PNPT1: variants seen among roughly 807,000 people sequenced by gnomAD.
The protein encoded by PNPT1 is polyribonucleotide nucleotidyltransferase 1, also known as polyribonucleotide nucleotidyltransferase 1, mitochondrial.
In PNPT1, 53 loss-of-function variants were observed where a neutral mutation model predicts 119.5. The ratio of observed to expected loss-of-function variants is 0.44; its 90% CI spans 0.36 to 0.56. PNPT1 has a LOEUF of 0.56. Among genes scored for constraint, PNPT1 ranks in the 20% least tolerant of loss-of-function variants. The pLI, the probability that PNPT1 is intolerant of heterozygous loss-of-function variation, is 0.00. For missense variants in PNPT1, 948 were observed against 938.5 expected, an observed-to-expected ratio of 1.01 and a Z score of -0.13; for synonymous variants, 357 against 322.1, an observed-to-expected ratio of 1.11 and a Z score of -1.16.
At position 55,659,940 on chromosome 2, in the gene PNPT1, A is replaced by G. The variant is rs115106726; in HGVS notation, c.1284+217T>C. Among the ~76,000 whole-genome samples the G allele has an allele frequency of 8.4e-3, 1,283 of 152,144 alleles. 13 individuals are homozygous for G. The highest frequency in any genetic ancestry group is 0.013 in the Non-Finnish European group (878 of 67,998). On this transcript the variant is annotated intron_variant, in intron 15 of 27. Transcript: ENST00000447944. Reference sequence around the variant, plus strand: ...CAACATGGCAAAACCCCATCTCTAGAAAAAAATAGAAAAATTAGCCAATTG... The same window carrying G: ...CAACATGGCAAAACCCCATCTCTAGGAAAAAATAGAAAAATTAGCCAATTG...
intron 1 of PNPT1, among the ~76,000 whole-genome samples, chr2:55,691,866 ATATATATATATATTTTTT>A (rs1185037123): frequency 5.2e-5 from 4 of 77,294 alleles, no homozygotes; most frequent in Admixed American, 1.3e-4. Flanking sequence ...ATATATATAT[ATATATATATATATTTTTT>A]TTTTTTTTTT....
At chr2:55,683,112 T>C (rs1697298320) in intron 5 of PNPT1, among the ~76,000 whole-genome samples, 1 of 152,160 alleles carries the variant, frequency 6.6e-6, no homozygotes, top group African/African-American at 2.4e-5. Flanking sequence ...TAAAATTAGG[T>C]AATAAAAATT....
In PNPT1 at chr2:55,646,276, G is replaced by A; in HGVS notation, c.1721C>T (p.Ala574Val). 6.2e-7 allele frequency: 1 copy of A among 1,613,126 alleles called. No homozygotes were observed. The highest frequency in any genetic ancestry group is 1.1e-5 in the South Asian group (1 of 90,964). The change falls in exon 21 of 28, where the codon GCT (alanine) becomes GTT (valine). Residue 574 changes from alanine to valine, a missense_variant. By Grantham distance (64) the Ala-to-Val change is moderately conservative (BLOSUM62 0). Coordinates refer to ENST00000447944, the MANE Select transcript of PNPT1 (RefSeq NM_033109.5). ...TAGCTCACCTGAAGCTTGTTGAATA[G>A]CCTCCATCACAATTTTTATTGGTAT... is the stretch of plus-strand genomic sequence containing the variant. Reference protein sequence around the residue: ...PGIPIKIVMEAIQQASVAKKE... With the variant: ...PGIPIKIVMEVIQQASVAKKE...
intron 27 of PNPT1, among the ~76,000 whole-genome samples, chr2:55,637,060 G>GA (rs1695697905): frequency 6.6e-6 from 1 of 152,144 alleles, no homozygotes; most frequent in Non-Finnish European, 1.5e-5. Context: ...GGTGGAGCCC[G>GA]AAAAAACAGA....
chr2:55,669,354 A>G (rs1270416511), intron 11 of PNPT1, among the ~76,000 whole-genome samples: 1 of 152,222 alleles, frequency 6.6e-6, no homozygotes, highest in Non-Finnish European at 1.5e-5. Context: ...CTATCAATTA[A>G]TTTATGCCAA....
rs1353387912 is a variant in PNPT1, at chr2:55,643,998, A to G, written c.1907-573T>C. On this transcript the variant is annotated intron_variant, in intron 23 of 27. Coordinates refer to ENST00000447944, the MANE Select transcript of PNPT1 (RefSeq NM_033109.5). ...AATTCACCATCTAGTGAAATCAAAT[A>G]TATCTATACAAATTTTGGAGAGTCT... Among the ~76,000 whole-genome samples the G allele has an allele frequency of 2.0e-5, 3 of 152,212 alleles. No homozygotes were observed. In the East Asian group the frequency reaches 5.8e-4, roughly 29 times the overall value.
At chr2:55,670,335 C>T (rs899632501) in intron 11 of PNPT1, among the ~76,000 whole-genome samples, 4 of 151,174 alleles carry the variant, frequency 2.6e-5, no homozygotes, top group Non-Finnish European at 3.0e-5. Flanking sequence ...CACAGGTGCC[C>T]GCCACCACGC....
chr2:55,666,979 T>C lies in PNPT1; in HGVS notation c.1176+12A>G, dbSNP rs765529349. 101 of 1,517,210 alleles carry C rather than the reference T, an allele frequency of 6.7e-5. No individual in the cohort carries two copies. The Middle Eastern group carries it at 7.4e-4, about 11-fold the overall frequency. The allele number at this position is 1,517,210 out of a possible 1,614,324, so 94.0% of individuals were successfully genotyped here. A position where few individuals can be genotyped will look rare whatever the true frequency, so the allele number is the denominator to read the frequency against. ...AATTTAGCAAATAATTAGAGCTTTT[T>C]ATATAAATTACCTGTGTTTGTCCTC... On this transcript the variant is annotated intron_variant, in intron 13 of 27. Coordinates refer to ENST00000447944, the MANE Select transcript of PNPT1 (RefSeq NM_033109.5).
chr2:55,650,405 G>A (rs1209687519), intron 18 of PNPT1, among the ~76,000 whole-genome samples: 1 of 152,228 alleles, frequency 6.6e-6, no homozygotes, highest in African/African-American at 2.4e-5. Flanking sequence ...TCGGCATCCT[G>A]AGGTGCCGGG....
rs1287908631 is a variant in PNPT1, at chr2:55,654,250, C to CT, written c.1495+649dup. Among the ~76,000 whole-genome samples, 3 of 120,004 alleles carry CT rather than the reference C, an allele frequency of 2.5e-5. No homozygotes were observed. In the Admixed American group the frequency reaches 3.0e-4, roughly 12 times the overall value. 78.7% of individuals were successfully genotyped at this position (120,004 alleles called of 152,430 possible). On this transcript the variant is annotated intron_variant, in intron 18 of 27. Transcript: ENST00000447944. The stretch of plus-strand genomic sequence containing the variant: ...TCAGCCTGGACAACAGAGCGAGACT[C>CT]TGTCTCAAAAAAAAAAAAAAAAAAA...
At chr2:55,669,558 T>C (rs1696840178) in intron 11 of PNPT1, among the ~76,000 whole-genome samples, 1 of 152,218 alleles carries the variant, frequency 6.6e-6, no homozygotes, top group Admixed American at 6.5e-5. Context: ...AGTACCAAAA[T>C]GTTTAAAATA....
chr2:55,671,971 A>G, intron 10 of PNPT1, 24 bp downstream of exon 10: 1 of 1,555,648 alleles, frequency 6.4e-7, no homozygotes, highest in South Asian at 1.2e-5. Context: ...GCAATTATGG[A>G]AGACAAAACT....
chr2:55,679,586 T>C, intron 8 of PNPT1, 96 bp downstream of exon 8: 3 of 843,928 alleles, frequency 3.6e-6, no homozygotes, highest in Non-Finnish European at 5.6e-6. Context: ...TTTTTATGGC[T>C]ACCGACAAAA....
At chr2:55,671,643 C>A (rs994120436) in intron 10 of PNPT1, among the ~76,000 whole-genome samples, 1 of 152,178 alleles carries the variant, frequency 6.6e-6, no homozygotes, top group Admixed American at 6.5e-5. Flanking sequence ...GAGTTTGAGA[C>A]CAGCCTGGCC....
At chr2:55,688,650 A>G (rs565012638) in intron 1 of PNPT1, among the ~76,000 whole-genome samples, 2 of 152,116 alleles carry the variant, frequency 1.3e-5, no homozygotes, top group South Asian at 4.2e-4. Context: ...GCTTGAACCC[A>G]GGAGGGGGAG....
chr2:55,680,605 G>T, intron 7 of PNPT1, 107 bp downstream of exon 7: 2 of 1,009,546 alleles, frequency 2.0e-6, no homozygotes, highest in Non-Finnish European at 3.0e-6. Context: ...TTCAATTCAT[G>T]AAGAGGTAAT....
rs774427091 is a variant in PNPT1, at chr2:55,667,109, A to G, written c.1074-16T>C. The G allele has an allele frequency of 8.3e-6, 13 of 1,568,992 alleles. No homozygotes were observed. The East Asian group carries it at 2.7e-4, about 32-fold the overall frequency. Reference sequence around the variant, plus strand: ...ACCATCGCACCTATAGTGATATAGGAAATAAGTACATTAAGTAACGCTGGA... The same window carrying G: ...ACCATCGCACCTATAGTGATATAGGGAATAAGTACATTAAGTAACGCTGGA... On this transcript the variant is annotated splice_polypyrimidine_tract_variant and intron_variant, in intron 12 of 27. Transcript: ENST00000447944.
At chr2:55,636,445 C>A (rs987246271) in intron 27 of PNPT1, 53 bp from the exon 28 acceptor site, 3 of 1,559,324 alleles carry the variant, frequency 1.9e-6, no homozygotes, top group Non-Finnish European at 2.6e-6. Flanking sequence ...TGAGTGACAT[C>A]TAAACTAATA....
At chr2:55,637,144 C>T (rs1178363019) in intron 27 of PNPT1, among the ~76,000 whole-genome samples, 1 of 152,172 alleles carries the variant, frequency 6.6e-6, no homozygotes, top group Admixed American at 6.5e-5. Context: ...GAATTCTAGG[C>T]CTGAATAACA....
Sources: gnomAD v4.1 joint callset for allele counts (sites outside exome capture counted in the v4.1 genomes callset) on GRCh38, gnomAD v4.1.1 for gene constraint, MANE v1.5 for transcripts, NCBI Gene and HGNC (gene_info 2026-07-23, HGNC 2026-07-21) for gene names.